PI4K2B: variants seen among roughly 807,000 people sequenced by gnomAD.
The protein encoded by PI4K2B is phosphatidylinositol 4-kinase type 2-beta.
In PI4K2B, 46 loss-of-function variants were observed where a neutral mutation model predicts 56.6. The observed-to-expected ratio is 0.81, with a 90% CI of 0.64 to 1.04. The LOEUF (loss-of-function observed/expected upper bound fraction) is 1.04. Ranked by LOEUF, PI4K2B falls within the 50% of genes least tolerant of loss-of-function variation. The pLI is 0.00. For missense variants in PI4K2B, 556 were observed against 607.7 expected, an observed-to-expected ratio of 0.91 and a Z score of 0.89; for synonymous variants, 211 against 223.8, an observed-to-expected ratio of 0.94 and a Z score of 0.51.
At chr4:25,252,045 G>A (rs570290414) in intron 1 of PI4K2B, among the ~76,000 whole-genome samples, 1 of 152,094 alleles carries the variant, frequency 6.6e-6, no homozygotes. Context: ...GGCTGGTCTT[G>A]AACTCTCCTG....
At chr4:25,264,863 G>A (rs946173815) in intron 7 of PI4K2B, among the ~76,000 whole-genome samples, 3 of 151,440 alleles carry the variant, frequency 2.0e-5, no homozygotes, top group Non-Finnish European at 4.4e-5. Flanking sequence ...AAGAGTGTAA[G>A]GCCCTGTCTC....
intron 1 of PI4K2B, among the ~76,000 whole-genome samples, chr4:25,241,505 C>T (rs1156434668): frequency 2.0e-5 from 3 of 152,162 alleles, no homozygotes; most frequent in Non-Finnish European, 1.5e-5. Context: ...GGGTTGAGGG[C>T]CATGCATGTG....
intron 1 of PI4K2B, among the ~76,000 whole-genome samples, chr4:25,244,876 C>T (rs962748056): frequency 2.6e-5 from 4 of 152,138 alleles, no homozygotes; most frequent in East Asian, 3.9e-4. Flanking sequence ...CGACCCTTAC[C>T]GACGCATTCT....
intron 9 of PI4K2B, among the ~76,000 whole-genome samples, chr4:25,272,754 T>C (rs1405239827): frequency 6.6e-6 from 1 of 152,110 alleles, no homozygotes; most frequent in East Asian, 1.9e-4. Flanking sequence ...TAATCCCAGT[T>C]TGGGAGGCCA....
intron 9 of PI4K2B, among the ~76,000 whole-genome samples, chr4:25,273,750 A>G: frequency 6.6e-6 from 1 of 152,358 alleles, no homozygotes; most frequent in African/African-American, 2.4e-5. Context: ...AACAATCTCT[A>G]AAAACAAATC....
In PI4K2B at chr4:25,255,124, A is replaced by G; in HGVS notation, c.483A>G (p.Lys161=). 1 of 1,614,148 alleles carries G rather than the reference A, an allele frequency of 6.2e-7. No homozygotes were observed. The highest frequency in any genetic ancestry group is 8.5e-7 in the Non-Finnish European group (1 of 1,179,956). The part of the protein sequence containing the change: ...SEEPYGQLNP[K]WTKYVHKVCC... ...AGCCTTATGGTCAACTCAATCCAAA[A>G]TGGACCAAATATGTCCATAAGGTCT... Residue 161 remains lysine, a synonymous_variant, in exon 3 of 10, where the codon AAA becomes AAG. Transcript: ENST00000264864.
chr4:25,250,461 A>C (rs1482498628), intron 1 of PI4K2B: 1 of 152,232 alleles, frequency 6.6e-6, no homozygotes, highest in Non-Finnish European at 1.5e-5. Flanking sequence ...GGAGGGTAGG[A>C]GGAGGGAGAG....
intron 1 of PI4K2B, among the ~76,000 whole-genome samples, chr4:25,245,435 C>T (rs910575212): frequency 6.6e-6 from 1 of 152,108 alleles, no homozygotes; most frequent in African/African-American, 2.4e-5. Context: ...CCGCTCATGG[C>T]CGCAGGGTCA....
At position 25,234,067 on chromosome 4, in the gene PI4K2B, T is replaced by G. The variant is rs1441404728; in HGVS notation, c.-97T>G. The stretch of plus-strand genomic sequence containing the variant: ...CGTGCGCTGGTGAGGTGGCGTCCGT[T>G]CTACCCGGTCGCTCCCGTTCCGCGC... On this transcript the variant is annotated 5_prime_UTR_variant, in exon 1 of 10. Coordinates refer to ENST00000264864, the MANE Select transcript of PI4K2B (RefSeq NM_018323.4). 1.1e-4 allele frequency: 113 copies of G among 1,072,162 alleles called. No homozygotes were observed. Among genetic ancestry groups the G allele is most frequent in the Non-Finnish European group, 1.3e-4 (109 of 841,262 alleles). The allele number at this position is 1,072,162 out of a possible 1,614,324, so 66.4% of individuals were successfully genotyped here. A position where few individuals can be genotyped will look rare whatever the true frequency, so the allele number is the denominator to read the frequency against.
chr4:25,268,628 A>G (rs1201419686), intron 8 of PI4K2B, 52 bp downstream of exon 8: 2 of 1,290,328 alleles, frequency 1.5e-6, no homozygotes, highest in Non-Finnish European at 2.2e-6. Context: ...TTAAAATAGA[A>G]GAGACTGCTT....
chr4:25,252,199 A>G, intron 1 of PI4K2B, 122 bp from the exon 2 acceptor site: 1 of 627,220 alleles, frequency 1.6e-6, no homozygotes, highest in South Asian at 2.2e-5. Flanking sequence ...GGAGGATTAG[A>G]GCAGTCTATA....
At chr4:25,272,394 T>C (rs747282152) in intron 9 of PI4K2B, among the ~76,000 whole-genome samples, 1 of 152,220 alleles carries the variant, frequency 6.6e-6, no homozygotes, top group Non-Finnish European at 1.5e-5. Context: ...TTTGTTTTGT[T>C]TTTTAATTTT....
chr4:25,241,178 A>G (rs1275002373), intron 1 of PI4K2B, among the ~76,000 whole-genome samples: 1 of 152,260 alleles, frequency 6.6e-6, no homozygotes, highest in East Asian at 1.9e-4. Context: ...AGATAAGCAT[A>G]CATGCTATCT....
chr4:25,255,913 C>G (rs1669275973), intron 3 of PI4K2B, among the ~76,000 whole-genome samples: 3 of 151,480 alleles, frequency 2.0e-5, no homozygotes, highest in Middle Eastern at 3.5e-3. Context: ...CGCCTGGCAC[C>G]CACATCCTTT....
At chr4:25,264,806 G>A (rs1025490480) in intron 7 of PI4K2B, among the ~76,000 whole-genome samples, 3 of 152,256 alleles carry the variant, frequency 2.0e-5, no homozygotes, top group Non-Finnish European at 2.9e-5. Flanking sequence ...GGGAGGTGGA[G>A]GTTGCAGTGA....
chr4:25,260,531 C>A lies in PI4K2B; in HGVS notation c.918C>A (p.Gly306=), dbSNP rs1577691212. 5 of 1,423,958 alleles carry A rather than the reference C, an allele frequency of 3.5e-6. No homozygotes were observed. Among genetic ancestry groups the A allele is most frequent in the Non-Finnish European group, 4.7e-6 (5 of 1,072,400 alleles). 88.2% of individuals were successfully genotyped at this position (1,423,958 alleles called of 1,614,324 possible). The part of the protein sequence containing the change: ...LDYIIRNTDR[G]NDNWLVRYEK... ...TCTTGTTTGTTTTGAAAGACAGGGG[C>A]AATGATAATTGGTTAGTCAGATACG... The change falls in exon 6 of 10, where the codon GGC becomes GGA. Residue 306 remains glycine (G), a synonymous_variant. Transcript: ENST00000264864.
intron 9 of PI4K2B, 177 bp from the exon 10 acceptor site, chr4:25,276,837 G>A: frequency 1.0e-6 from 1 of 982,488 alleles, no homozygotes; most frequent in Non-Finnish European, 1.2e-6. Context: ...GTGTGCGCGT[G>A]TGTGTGTAAA....
rs1244417907 is a variant in PI4K2B at position 25,277,246 on chromosome 4, A to G, written c.*59A>G. The G allele has an allele frequency of 2.6e-6, 4 of 1,511,960 alleles. No individual in the cohort carries two copies. 93.7% of individuals were successfully genotyped at this position (1,511,960 alleles called of 1,614,324 possible). A position where few individuals can be genotyped will look rare whatever the true frequency, so the allele number is the denominator to read the frequency against. ...AATTATCATGTTTTTAAAACATCAT[A>G]GTAATATAAATCTGCTGTTAGGAGC... On this transcript the variant is annotated 3_prime_UTR_variant, in exon 10 of 10. Transcript: ENST00000264864.
At chr4:25,250,457 TAGG>T (rs1202627238) in intron 1 of PI4K2B, 5 of 151,610 alleles carry the variant, frequency 3.3e-5, no homozygotes, top group Non-Finnish European at 5.9e-5. Context: ...AGGTGGAGGG[TAGG>T]AGGAGGGAGA....
Sources: gnomAD v4.1 joint callset for allele counts (sites outside exome capture counted in the v4.1 genomes callset) on GRCh38, gnomAD v4.1.1 for gene constraint, MANE v1.5 for transcripts, NCBI Gene and HGNC (gene_info 2026-07-23, HGNC 2026-07-21) for gene names.